PCDH11Y: variants seen among roughly 807,000 people sequenced by gnomAD.
PCDH11Y encodes protocadherin 11 Y-linked, also known as protocadherin-11 Y-linked.
For synonymous variants in PCDH11Y, 9 were observed against 83.6 expected (o/e 0.11, Z 4.87); for missense variants, 12 against 224.8 (o/e 0.05, Z 6.05).
intron 2 of PCDH11Y, among the ~76,000 whole-genome samples, chrY:5,406,359 C>A (rs2053238779): frequency 3.0e-5 from 1 of 32,841 alleles, no homozygotes; most frequent in Non-Finnish European, 7.5e-5. Flanking sequence ...ATACTGGGTA[C>A]TATATGTAAT....
Position 5,664,605 on chromosome Y carries a change from C to CT in PCDH11Y, c.3353-72652dup, listed in dbSNP as rs2053543389. On this transcript the variant is annotated intron_variant, in intron 4 of 4. Coordinates refer to the PCDH11Y transcript ENST00000400457. ...TTCGAAGGTTAAATTCCTTTTTTTT[C>CT]TTTTTTTTTTTTTTTGAGGCGGAGT... is the stretch of plus-strand genomic sequence containing the variant. Among the ~76,000 whole-genome samples, 22 of 24,734 alleles carry CT rather than the reference C, an allele frequency of 8.9e-4. No homozygotes were observed. The East Asian group carries it at 0.017, about 19-fold the overall frequency. 66.4% of individuals were successfully genotyped at this position (24,734 alleles called of 37,273 possible).
At chrY:5,629,792 G>A in intron 4 of PCDH11Y, among the ~76,000 whole-genome samples, 1 of 33,045 alleles carries the variant, frequency 3.0e-5, no homozygotes, top group Admixed American at 2.8e-4. Context: ...TATCCAGTAG[G>A]GATTCAGGTT....
At chrY:5,567,433 G>C (rs2124695985) in intron 3 of PCDH11Y, among the ~76,000 whole-genome samples, 1 of 27,412 alleles carries the variant, frequency 3.6e-5, no homozygotes, top group African/African-American at 1.4e-4. Context: ...TCCATAATCT[G>C]TATCTGTACT....
At chrY:5,460,026 A>G in intron 2 of PCDH11Y, among the ~76,000 whole-genome samples, 1 of 33,208 alleles carries the variant, frequency 3.0e-5, no homozygotes, top group Non-Finnish European at 7.5e-5. Flanking sequence ...TTTTTCTGAT[A>G]AAAGTACTAA....
chrY:5,635,633 T>G, intron 4 of PCDH11Y, among the ~76,000 whole-genome samples: 3 of 33,384 alleles, frequency 9.0e-5, no homozygotes, highest in Non-Finnish European at 1.5e-4. Context: ...TGAGAATAGG[T>G]TTTATCTTCT....
chrY:5,232,069 A>C, intron 2 of PCDH11Y, among the ~76,000 whole-genome samples: 1 of 32,890 alleles, frequency 3.0e-5, no homozygotes, highest in Non-Finnish European at 7.5e-5. Context: ...GACTCAGGTC[A>C]GGTCCAGAAA....
chrY:5,413,457 G>A, intron 2 of PCDH11Y, among the ~76,000 whole-genome samples: 1 of 33,450 alleles, frequency 3.0e-5, no homozygotes, highest in Admixed American at 2.7e-4. Context: ...TCCTAAACAG[G>A]TCCTGTTAAG....
chrY:5,707,430 G>A (rs1602962696), intron 4 of PCDH11Y, among the ~76,000 whole-genome samples: 1 of 28,301 alleles, frequency 3.5e-5, no homozygotes, highest in African/African-American at 1.4e-4. Context: ...GTGTGTGTGT[G>A]TATATATATA....
chrY:5,494,115 C>T, intron 2 of PCDH11Y, among the ~76,000 whole-genome samples: 1 of 33,352 alleles, frequency 3.0e-5, no homozygotes, highest in African/African-American at 1.2e-4. Context: ...GATATTTCTA[C>T]TATTCTTTTT....
intron 3 of PCDH11Y, among the ~76,000 whole-genome samples, chrY:5,511,214 G>T: frequency 3.0e-5 from 1 of 32,969 alleles, no homozygotes; most frequent in African/African-American, 1.2e-4. Context: ...AGTTGATTAT[G>T]AATTATACTG....
intron 1 of PCDH11Y, among the ~76,000 whole-genome samples, chrY:5,013,796 A>G (rs2124618780): frequency 3.0e-5 from 1 of 33,178 alleles, no homozygotes; most frequent in East Asian, 7.9e-4. Context: ...TTTATATCCT[A>G]TGCCAATGAT....
At chrY:5,469,174 C>T (rs2124684481) in intron 2 of PCDH11Y, among the ~76,000 whole-genome samples, 1 of 29,754 alleles carries the variant, frequency 3.4e-5, no homozygotes, top group African/African-American at 1.3e-4. Context: ...TCTGTCAGAA[C>T]TTTGATATTG....
intron 4 of PCDH11Y, among the ~76,000 whole-genome samples, chrY:5,630,142 T>C (rs2053511228): frequency 3.0e-5 from 1 of 33,775 alleles, no homozygotes; most frequent in Admixed American, 2.7e-4. Context: ...ATGTTCAGAC[T>C]GCAGACAGAA....
At chrY:5,230,154 T>G (rs2052966324) in intron 2 of PCDH11Y, among the ~76,000 whole-genome samples, 2 of 33,850 alleles carry the variant, frequency 5.9e-5, no homozygotes, top group African/African-American at 2.3e-4. Flanking sequence ...TTTGCTTTTC[T>G]GCTTAAGATA....
At chrY:5,032,967 A>G (rs2124621863) in intron 3 of PCDH11Y, among the ~76,000 whole-genome samples, 1 of 32,217 alleles carries the variant, frequency 3.1e-5, no homozygotes, top group East Asian at 8.2e-4. Flanking sequence ...AATCCCACAA[A>G]TTATAGTAAG....
chrY:5,074,912 G>T, intron 1 of PCDH11Y, among the ~76,000 whole-genome samples: 1 of 32,368 alleles, frequency 3.1e-5, no homozygotes, highest in Admixed American at 2.9e-4. Flanking sequence ...TATTATAAAT[G>T]ATTCAACCTC....
At chrY:5,329,789 G>A in intron 2 of PCDH11Y, among the ~76,000 whole-genome samples, 3 of 32,995 alleles carry the variant, frequency 9.1e-5, no homozygotes. Flanking sequence ...GAGGTTAAGG[G>A]ATAGTGAGGG....
intron 4 of PCDH11Y, among the ~76,000 whole-genome samples, chrY:5,668,754 C>T (rs2053546870): frequency 9.8e-5 from 3 of 30,536 alleles, no homozygotes. Flanking sequence ...TTTTCAAATT[C>T]GTGATCTAAA....
chrY:5,015,437 A>G (rs369840640), intron 1 of PCDH11Y, among the ~76,000 whole-genome samples: 1,260 of 33,137 alleles, frequency 0.038, no homozygotes, highest in Middle Eastern at 0.28. Flanking sequence ...TTAATAAAGG[A>G]AGGAAAAGAG....
Sources: allele counts gnomAD v4.1 joint callset (sites outside exome capture counted in the v4.1 genomes callset), GRCh38; gene constraint gnomAD v4.1.1; transcripts MANE v1.5; gene names NCBI Gene and HGNC (gene_info 2026-07-23, HGNC 2026-07-21).